Variants in KLF8 observed in about 807,000 individuals in gnomAD.
The protein encoded by KLF8 is Krueppel-like factor 8.
A neutral mutation model predicts 18.2 loss-of-function variants in KLF8; 10 were observed. That is an observed-to-expected ratio of 0.55 (90% CI 0.34 to 0.93). The LOEUF (loss-of-function observed/expected upper bound fraction) is 0.93, where lower values mean the gene tolerates loss of function less well. KLF8 is among the 40% of genes least tolerant of loss of function. The pLI is 0.02. For missense variants in KLF8, 264 were observed against 277.9 expected, an observed-to-expected ratio of 0.95 and a Z score of 0.36; for synonymous variants, 109 against 97.3, an observed-to-expected ratio of 1.12 and a Z score of -0.71.
intron 3 of KLF8, chrX:56,266,627 C>A (rs2066977080): frequency 5.3e-6 from 4 of 749,420 alleles, no homozygotes; most frequent in Non-Finnish European, 6.3e-6. Flanking sequence ...TCTTCCACCA[C>A]TATCCCCCAA....
chrX:56,259,602 G>A (rs1038305326), intron 2 of KLF8, among the ~76,000 whole-genome samples: 29 of 110,349 alleles, frequency 2.6e-4, no homozygotes, highest in African/African-American at 9.2e-4. Context: ...GTGAAATCAT[G>A]CTCCTGGAAC....
intron 5 of KLF8, among the ~76,000 whole-genome samples, chrX:56,273,462 C>T (rs974807923): frequency 1.8e-5 from 2 of 108,709 alleles, no homozygotes; most frequent in East Asian, 2.9e-4. Context: ...ATCCCCACTG[C>T]CCCCCGACCC....
chrX:56,201,715 T>C, the KLF8 span, among the ~76,000 whole-genome samples: 3 of 111,524 alleles, frequency 2.7e-5, no homozygotes, highest in African/African-American at 9.8e-5. Flanking sequence ...ATCCTCAGAC[T>C]CATTTAGTTG....
At chrX:56,243,528 C>A (rs768880673) in intron 1 of KLF8, 1 of 57,606 alleles carries the variant, frequency 1.7e-5, no homozygotes, top group East Asian at 4.4e-4. Flanking sequence ...GAAACTCTTG[C>A]TTTTTTTTTT....
At chrX:56,227,874 AACACACACACACACAC>A (rs72391707), upstream of KLF8, among the ~76,000 whole-genome samples, 4 of 85,525 alleles carry the variant, frequency 4.7e-5, no homozygotes, top group Non-Finnish European at 6.9e-5. Flanking sequence ...CCCTAGCCCC[AACACACACACACACAC>A]ACACACACAC....
the KLF8 span, among the ~76,000 whole-genome samples, chrX:56,019,584 A>T: frequency 3.6e-5 from 4 of 112,431 alleles, no homozygotes; most frequent in East Asian, 8.3e-4. Flanking sequence ...GAGTGGACTT[A>T]GTTTTTGGAA....
the KLF8 span, among the ~76,000 whole-genome samples, chrX:55,910,370 C>T: frequency 9.0e-5 from 10 of 110,964 alleles, no homozygotes; most frequent in Admixed American, 7.7e-4. Context: ...TGAACATATA[C>T]GTTGAGTGGG....
the KLF8 span, among the ~76,000 whole-genome samples, chrX:56,213,699 G>C: frequency 2.7e-5 from 3 of 111,129 alleles, no homozygotes; most frequent in Admixed American, 9.6e-5. Flanking sequence ...TTAATATTAA[G>C]ACAACATCTG....
At chrX:56,214,734 C>T in the KLF8 span, among the ~76,000 whole-genome samples, 1 of 112,226 alleles carries the variant, frequency 8.9e-6, no homozygotes, top group East Asian at 2.8e-4. Context: ...CCCTAGCAAA[C>T]TAATACACAT....
At chrX:56,003,050 C>T in the KLF8 span, among the ~76,000 whole-genome samples, 2 of 111,697 alleles carry the variant, frequency 1.8e-5, no homozygotes, top group African/African-American at 3.3e-5. Flanking sequence ...TTCCTCCTTC[C>T]TTTCTTCCTC....
the KLF8 span, among the ~76,000 whole-genome samples, chrX:56,169,309 G>T: frequency 2.7e-5 from 3 of 111,615 alleles, no homozygotes; most frequent in Non-Finnish European, 5.6e-5. Context: ...GCTTGATAAA[G>T]GTGGAGGGAA....
At chrX:55,945,972 A>C in the KLF8 span, among the ~76,000 whole-genome samples, 1 of 111,417 alleles carries the variant, frequency 9.0e-6, no homozygotes, top group Non-Finnish European at 1.9e-5. Context: ...ACTGCTGCTC[A>C]ATGAGATAAA....
At chrX:55,991,073 G>T in the KLF8 span, among the ~76,000 whole-genome samples, 7 of 112,356 alleles carry the variant, frequency 6.2e-5, no homozygotes, top group Non-Finnish European at 1.3e-4. Flanking sequence ...GCTGCTTTTT[G>T]TTTGGCTATA....
chrX:55,988,613 T>C, the KLF8 span, among the ~76,000 whole-genome samples: 2 of 111,670 alleles, frequency 1.8e-5, no homozygotes, highest in Non-Finnish European at 3.8e-5. Context: ...AGCCTTGTAG[T>C]ATAGTTTGAA....
At chrX:56,233,632 C>T (rs1273391648) in intron 1 of KLF8, among the ~76,000 whole-genome samples, 1 of 111,767 alleles carries the variant, frequency 8.9e-6, no homozygotes, top group Non-Finnish European at 1.9e-5. Context: ...TGGCTCGGCA[C>T]TCCCAATACT....
At chrX:56,142,097 G>T in the KLF8 span, among the ~76,000 whole-genome samples, 2 of 111,077 alleles carry the variant, frequency 1.8e-5, no homozygotes, top group African/African-American at 6.5e-5. Context: ...TCCCTTGTCT[G>T]TTATGATTTC....
chrX:56,115,933 T>C, the KLF8 span, among the ~76,000 whole-genome samples: 2 of 112,587 alleles, frequency 1.8e-5, no homozygotes, highest in East Asian at 5.6e-4. Context: ...CAAGCATCTA[T>C]CTTTTCTGTT....
the KLF8 span, among the ~76,000 whole-genome samples, chrX:56,124,700 A>G: frequency 9.0e-6 from 1 of 111,690 alleles, no homozygotes; most frequent in Non-Finnish European, 1.9e-5. Flanking sequence ...ATTCTGGGTA[A>G]AGAAGGGTGA....
At chrX:56,169,999 G>A in the KLF8 span, among the ~76,000 whole-genome samples, 1 of 111,297 alleles carries the variant, frequency 9.0e-6, no homozygotes, top group Non-Finnish European at 1.9e-5. Flanking sequence ...CAAAGAGAGA[G>A]ACTTTGCTTG....
Sources: gnomAD v4.1 joint callset for allele counts (sites outside exome capture counted in the v4.1 genomes callset) on GRCh38, gnomAD v4.1.1 for gene constraint, MANE v1.5 for transcripts, NCBI Gene and HGNC (gene_info 2026-07-23, HGNC 2026-07-21) for gene names.